ART3: variants seen among roughly 807,000 people sequenced by gnomAD.
The protein encoded by ART3 is ecto-ADP-ribosyltransferase 3.
In ART3, 49 loss-of-function variants were observed where a neutral mutation model predicts 48.5. That is an observed-to-expected ratio of 1.01 (90% CI 0.80 to 1.28). The LOEUF (loss-of-function observed/expected upper bound fraction) is 1.28. Among genes scored for constraint, ART3 ranks in the 50% most tolerant of loss-of-function variants. The probability of loss-of-function intolerance (pLI) is 0.00; values close to 1 mark genes in which losing one functional copy is unlikely to be tolerated. For synonymous variants in ART3, 145 were observed against 157.2 expected, an observed-to-expected ratio of 0.92 and a Z score of 0.58; for missense variants, 438 against 454.3, an observed-to-expected ratio of 0.96 and a Z score of 0.33.
intron 1 of ART3, chr4:76,022,524 G>A (rs4859588): frequency 0.56 from 848,261 of 1,518,272 alleles, 244,530 homozygotes; most frequent in East Asian, 0.94. Context: ...GGCATACGCA[G>A]TTCTGAAGTC....
chr4:76,036,115 C>A, intron 1 of ART3: 1 of 730,288 alleles, frequency 1.4e-6, no homozygotes. Context: ...ATTTTATACA[C>A]CAGCAATCCT....
At position 76,075,885 on chromosome 4, in the gene ART3, GA is replaced by G. The variant is rs749267469; in HGVS notation, c.1del. 1.2e-5 allele frequency: 20 copies of G among 1,607,756 alleles called. No individual in the cohort carries two copies. In the Admixed American group the frequency reaches 3.4e-4, roughly 27 times the overall value. On this transcript the variant is annotated 5_prime_UTR_variant, in exon 2 of 12. Coordinates refer to ENST00000355810, the MANE Select transcript of ART3 (RefSeq NM_001130016.3). ...AATTTCTTTATTTTAATTTAGAAGAGAAAAATGAAGACGGGACATTTTGAAA... is the reference window on the plus strand; with the variant it reads ...AATTTCTTTATTTTAATTTAGAAGAGAAAATGAAGACGGGACATTTTGAAA...
intron 1 of ART3, among the ~76,000 whole-genome samples, chr4:76,046,828 C>A (rs1424018130): frequency 2.0e-5 from 3 of 152,026 alleles, no homozygotes; most frequent in Non-Finnish European, 2.9e-5. Flanking sequence ...GGGAGAAATA[C>A]CTGGTTACAG....
chr4:76,022,017 G>C, intron 1 of ART3: 1 of 1,368,132 alleles, frequency 7.3e-7, no homozygotes, highest in Non-Finnish European at 1.0e-6. Context: ...GTTGTGTTTG[G>C]AAAGTACCGA....
At chr4:76,110,249 A>G (rs915324094) in intron 11 of ART3, among the ~76,000 whole-genome samples, 2 of 152,198 alleles carry the variant, frequency 1.3e-5, no homozygotes, top group South Asian at 2.1e-4. Context: ...AAAAACCCAT[A>G]CAGTACAACA....
chr4:76,100,146 C>T, intron 5 of ART3, 145 bp from the exon 6 acceptor site: 1 of 643,154 alleles, frequency 1.6e-6, no homozygotes, highest in Non-Finnish European at 2.5e-6. Context: ...TGACCGACAA[C>T]TTAAGTTTAG....
intron 1 of ART3, chr4:76,036,019 T>C: frequency 1.2e-6 from 2 of 1,603,006 alleles, no homozygotes; most frequent in Non-Finnish European, 1.7e-6. Context: ...CTGGTGCTGC[T>C]GCTGCTACTT....
intron 1 of ART3, among the ~76,000 whole-genome samples, chr4:76,046,955 A>G (rs1298978666): frequency 8.4e-6 from 1 of 118,990 alleles, no homozygotes; most frequent in African/African-American, 3.2e-5. Flanking sequence ...CTGGCCCTCA[A>G]TAGTTAAACA....
intron 1 of ART3, among the ~76,000 whole-genome samples, chr4:76,043,578 G>A (rs1453518186): frequency 1.3e-5 from 2 of 152,118 alleles, no homozygotes; most frequent in Non-Finnish European, 2.9e-5. Flanking sequence ...CAGCTGTTCC[G>A]AGTGCGGGGC....
intron 11 of ART3, among the ~76,000 whole-genome samples, chr4:76,108,280 G>A (rs1378796956): frequency 1.3e-5 from 2 of 151,896 alleles, no homozygotes; most frequent in African/African-American, 4.8e-5. Context: ...AGAGAAGATT[G>A]GAAGCTATTC....
intron 1 of ART3, chr4:76,057,996 C>T (rs1450004886): frequency 6.6e-6 from 1 of 152,190 alleles, no homozygotes; most frequent in Non-Finnish European, 1.5e-5. Flanking sequence ...TCAGAATCTT[C>T]TGATGGCATG....
intron 1 of ART3, among the ~76,000 whole-genome samples, chr4:76,044,597 T>C: frequency 6.6e-6 from 1 of 151,600 alleles, no homozygotes; most frequent in South Asian, 2.1e-4. Flanking sequence ...TCTCTTCAAC[T>C]TCTTTGTCTC....
At chr4:76,072,507 C>T (rs1190454933), upstream of ART3, among the ~76,000 whole-genome samples, 2 of 151,980 alleles carry the variant, frequency 1.3e-5, no homozygotes, top group African/African-American at 4.8e-5. Context: ...TTAATGCTGC[C>T]TTCCTGATTC....
chr4:76,034,618 G>T, intron 1 of ART3: 1 of 627,116 alleles, frequency 1.6e-6, no homozygotes, highest in Non-Finnish European at 2.8e-6. Context: ...TTCTGTTTTT[G>T]GTCCTTTCAC....
chr4:76,093,403 C>G (rs142009523), intron 3 of ART3, among the ~76,000 whole-genome samples: 202 of 152,226 alleles, frequency 1.3e-3, no homozygotes, highest in African/African-American at 4.6e-3. Context: ...GCACTCCAGC[C>G]TAAGTGACAG....
At chr4:76,060,399 GCTT>G (rs1719097766) in intron 1 of ART3, among the ~76,000 whole-genome samples, 1 of 151,998 alleles carries the variant, frequency 6.6e-6, no homozygotes, top group Admixed American at 6.6e-5. Flanking sequence ...TTTTCTTGAG[GCTT>G]CTTATTCTCC....
Position 76,062,976 on chromosome 4 carries a change from A to G in ART3, c.-9-12905A>G, listed in dbSNP as rs530967823. ...TTTCCTACAGCTAATCACTTGTTTAAGTCCCTTACCTCCTTCAGGTTTTTG... is the reference window on the plus strand; with the variant it reads ...TTTCCTACAGCTAATCACTTGTTTAGGTCCCTTACCTCCTTCAGGTTTTTG... On this transcript the variant is annotated intron_variant, in intron 1 of 9. Transcript: ENST00000341029. Among the ~76,000 whole-genome samples the G allele has an allele frequency of 4.6e-5, 7 of 152,186 alleles. No individual in the cohort carries two copies. In the South Asian group the frequency reaches 1.5e-3, roughly 32 times the overall value.
chr4:76,069,553 C>G (rs1720109042), intron 1 of ART3, among the ~76,000 whole-genome samples: 1 of 151,894 alleles, frequency 6.6e-6, no homozygotes, highest in African/African-American at 2.4e-5. Context: ...CCACACTTGG[C>G]TAATTTTTGT....
chr4:76,073,499 T>G (rs1578417879), upstream of ART3, among the ~76,000 whole-genome samples: 1 of 152,046 alleles, frequency 6.6e-6, no homozygotes, highest in African/African-American at 2.4e-5. Context: ...TTCTAAAGAG[T>G]AGAGTTGGAT....
Sources: allele counts gnomAD v4.1 joint callset (sites outside exome capture counted in the v4.1 genomes callset), GRCh38; gene constraint gnomAD v4.1.1; transcripts MANE v1.5; gene names NCBI Gene and HGNC (gene_info 2026-07-23, HGNC 2026-07-21).